The following TARBP1 variants were observed in gnomAD, a reference collection of about 807,000 sequenced individuals.
TARBP1 encodes tRNA guanosine 2 -O-methyltransferase TARBP1.
In TARBP1, 144 loss-of-function variants were observed where a neutral mutation model predicts 178.6. That is an observed-to-expected ratio of 0.81 (90% CI 0.70 to 0.93). The LOEUF (loss-of-function observed/expected upper bound fraction) is 0.93, where lower values mean the gene tolerates loss of function less well. Among genes scored for constraint, TARBP1 ranks in the 40% least tolerant of loss-of-function variants. TARBP1 has a pLI of 0.00. For synonymous variants in TARBP1, 787 were observed against 781.0 expected (o/e 1.01, Z -0.13); for missense variants, 2,067 against 2,011.7 (o/e 1.03, Z -0.53).
chr1:234,474,515 A>T (rs188383583), intron 1 of TARBP1, among the ~76,000 whole-genome samples: 70 of 152,330 alleles, frequency 4.6e-4, no homozygotes, highest in East Asian at 5.8e-4. Flanking sequence ...GGATGAAAAT[A>T]GACTCCTATC....
chr1:234,466,831 C>CCAGCCTGGGTGACAGGCATGAGA (rs1668487662), intron 4 of TARBP1, among the ~76,000 whole-genome samples: 1 of 152,100 alleles, frequency 6.6e-6, no homozygotes, highest in Non-Finnish European at 1.5e-5. Context: ...CCACTGCACT[C>CCAGCCTGGGTGACAGGCATGAGA]CAGCCTGGGT....
chr1:234,435,416 A>G (rs1664907808), intron 13 of TARBP1, among the ~76,000 whole-genome samples: 1 of 152,226 alleles, frequency 6.6e-6, no homozygotes, highest in Admixed American at 6.5e-5. Context: ...CGGGAGGTGG[A>G]GGTTGCAGTG....
intron 6 of TARBP1, among the ~76,000 whole-genome samples, chr1:234,462,666 T>C (rs145966894): frequency 0.011 from 1,253 of 118,408 alleles, 20 homozygotes; most frequent in African/African-American, 0.04. Flanking sequence ...TCCAGCCTAA[T>C]GACAGAGCAA....
rs906796654 is a variant in TARBP1 at position 234,406,060 on chromosome 1, A to T, written c.3832T>A (p.Trp1278Arg). 7.4e-6 allele frequency: 12 copies of T among 1,614,094 alleles called. No homozygotes were observed. The highest frequency in any genetic ancestry group is 9.3e-6 in the Non-Finnish European group (11 of 1,180,044). ...LKQALIVVLQ[W>R]CFNHNFSVRL... ...ACACTAAAATTGTGATTGAAACACC[A>T]CTGCAGCACAACTATAAGGGCTTGC... The change falls in exon 24 of 30, where the codon TGG (tryptophan) becomes AGG (arginine). Residue 1278 changes from tryptophan (W) to arginine (R), a missense_variant. Trp to Arg is a moderately radical substitution (Grantham distance 101). Coordinates refer to ENST00000040877, the MANE Select transcript of TARBP1 (RefSeq NM_005646.4).
At chr1:234,475,227 G>C (rs1376727568) in intron 1 of TARBP1, among the ~76,000 whole-genome samples, 1 of 152,156 alleles carries the variant, frequency 6.6e-6, no homozygotes. Context: ...ATGCCCTGCA[G>C]GAGTACAAGA....
rs1660622395 is a variant in TARBP1, at chr1:234,401,009, CA to C, written c.4071+171del. The C allele has an allele frequency of 2.8e-5, 14 of 493,036 alleles. 1 individual carries two copies. The South Asian group carries it at 4.0e-4, about 14-fold the overall frequency. 30.5% of individuals were successfully genotyped at this position (493,036 alleles called of 1,614,324 possible). A position where few individuals can be genotyped will look rare whatever the true frequency, so the allele number is the denominator to read the frequency against. ...TCACTGCTTAAGAGTGAAATGAAAG[CA>C]AGTCATCTGCATAAAGTGACAAAGT... On this transcript the variant is annotated intron_variant, in intron 25 of 29. Coordinates refer to ENST00000040877, the MANE Select transcript of TARBP1 (RefSeq NM_005646.4).
chr1:234,457,639 G>C (rs918006250), intron 9 of TARBP1, 28 bp downstream of exon 9: 3 of 1,502,216 alleles, frequency 2.0e-6, no homozygotes, highest in Non-Finnish European at 2.7e-6. Flanking sequence ...AGTTTTCAAA[G>C]ACTTTATTAA....
intron 8 of TARBP1, among the ~76,000 whole-genome samples, chr1:234,458,993 A>G (rs1667572060): frequency 2.0e-5 from 3 of 152,226 alleles, no homozygotes; most frequent in Admixed American, 2.0e-4. Context: ...CTTTAGATAC[A>G]ATAAGCCACT....
intron 1 of TARBP1, 125 bp downstream of exon 1, chr1:234,478,048 G>C (rs1240864646): frequency 2.1e-6 from 2 of 955,318 alleles, no homozygotes; most frequent in Non-Finnish European, 3.1e-6. Context: ...GGAGCAACGC[G>C]GAATAACCAA....
At chr1:234,436,611 G>A (rs1665051497) in intron 13 of TARBP1, among the ~76,000 whole-genome samples, 1 of 151,764 alleles carries the variant, frequency 6.6e-6, no homozygotes, top group Non-Finnish European at 1.5e-5. Flanking sequence ...TATTTAATTG[G>A]GTATTTAAAT....
chr1:234,401,355 G>T, intron 24 of TARBP1, 93 bp from the exon 25 acceptor site: 2 of 923,042 alleles, frequency 2.2e-6, no homozygotes, highest in Non-Finnish European at 3.4e-6. Flanking sequence ...TGGCTGCAGA[G>T]TTGAGAAGGA....
intron 21 of TARBP1, among the ~76,000 whole-genome samples, chr1:234,419,697 T>A (rs1236714456): frequency 6.6e-6 from 1 of 152,152 alleles, no homozygotes; most frequent in East Asian, 1.9e-4. Flanking sequence ...TTTCCTTTTT[T>A]AATGCATCCT....
At chr1:234,448,873 C>T (rs2103215774) in intron 10 of TARBP1, among the ~76,000 whole-genome samples, 1 of 152,204 alleles carries the variant, frequency 6.6e-6, no homozygotes, top group South Asian at 2.1e-4. Context: ...AAAGCATTAT[C>T]AAAGAATACA....
At chr1:234,420,609 T>C (rs879802985) in intron 21 of TARBP1, 93 bp downstream of exon 21, 6 of 697,806 alleles carry the variant, frequency 8.6e-6, no homozygotes, top group Non-Finnish European at 1.3e-5. Flanking sequence ...ATTATCTTTT[T>C]CAATTTTAAA....
At chr1:234,428,805 C>CA in intron 17 of TARBP1, among the ~76,000 whole-genome samples, 1 of 152,320 alleles carries the variant, frequency 6.6e-6, no homozygotes, top group East Asian at 1.9e-4. Context: ...CTCAGCCTCT[C>CA]AAAGTGGTGG....
chr1:234,451,835 G>C (rs956693755), intron 9 of TARBP1, among the ~76,000 whole-genome samples: 4 of 151,898 alleles, frequency 2.6e-5, no homozygotes, highest in Non-Finnish European at 5.9e-5. Context: ...GAGTGAGCAA[G>C]TCAATGACGC....
At chr1:234,404,142 G>C (rs1415958074) in intron 24 of TARBP1, among the ~76,000 whole-genome samples, 1 of 152,132 alleles carries the variant, frequency 6.6e-6, no homozygotes, top group Non-Finnish European at 1.5e-5. Context: ...TTTAGAATAG[G>C]ATCAACAACC....
intron 2 of TARBP1, 45 bp from the exon 3 acceptor site, chr1:234,471,302 T>C: frequency 7.6e-7 from 1 of 1,312,020 alleles, no homozygotes; most frequent in Non-Finnish European, 1.1e-6. Flanking sequence ...AAATGCATCT[T>C]GAAAAATGTC....
At chr1:234,471,132 A>C (rs1669010841) in intron 3 of TARBP1, 56 bp downstream of exon 3, 1 of 1,342,846 alleles carries the variant, frequency 7.4e-7, no homozygotes, top group African/African-American at 1.5e-5. Flanking sequence ...AATTAGTTAC[A>C]AAATCAGGGG....
Sources: gnomAD v4.1 joint callset for allele counts (sites outside exome capture counted in the v4.1 genomes callset) on GRCh38, gnomAD v4.1.1 for gene constraint, MANE v1.5 for transcripts, NCBI Gene and HGNC (gene_info 2026-07-23, HGNC 2026-07-21) for gene names.